The following SORCS1 variants were observed in gnomAD, a reference collection of about 807,000 sequenced individuals.
SORCS1 encodes VPS10 domain-containing receptor SorCS1.
A neutral mutation model predicts 146.1 loss-of-function variants in SORCS1; 60 were observed. The observed-to-expected ratio is 0.41, with a 90% confidence interval of 0.33 to 0.51. The LOEUF is 0.51. Among genes scored for constraint, SORCS1 ranks in the 20% least tolerant of loss-of-function variants. The pLI is 0.21. For synonymous variants in SORCS1, 637 were observed against 584.0 expected (o/e 1.09, Z -1.31); for missense variants, 1,352 against 1,487.6 (o/e 0.91, Z 1.50).
intron 18 of SORCS1, among the ~76,000 whole-genome samples, chr10:106,646,974 CATAT>C (rs978837741): frequency 9.0e-5 from 12 of 133,384 alleles, no homozygotes; most frequent in Admixed American, 8.2e-5. Flanking sequence ...GATATACATA[CATAT>C]ATATGTATAT....
intron 1 of SORCS1, among the ~76,000 whole-genome samples, chr10:107,023,270 G>T (rs1958233208): frequency 6.6e-6 from 1 of 152,244 alleles, no homozygotes; most frequent in Middle Eastern, 3.4e-3. Context: ...GCCACACAAG[G>T]ATTTCCAGGA....
chr10:106,971,808 T>TGGG (rs1178568464), intron 1 of SORCS1, among the ~76,000 whole-genome samples: 1 of 152,204 alleles, frequency 6.6e-6, no homozygotes, highest in Non-Finnish European at 1.5e-5. Flanking sequence ...AAGACAGCCC[T>TGGG]GGGTCAGTGC....
chr10:106,760,859 C>A (rs1859054086), intron 5 of SORCS1, among the ~76,000 whole-genome samples: 1 of 152,122 alleles, frequency 6.6e-6, no homozygotes, highest in African/African-American at 2.4e-5. Flanking sequence ...GTAATCCCAG[C>A]ACTTTGGGAA....
At chr10:106,618,301 G>T in intron 20 of SORCS1, 29 bp from the exon 21 acceptor site, 3 of 1,599,300 alleles carry the variant, frequency 1.9e-6, no homozygotes, top group African/African-American at 1.3e-5. Context: ...CAGAGTGAAG[G>T]GAAAGCTCTT....
In SORCS1 at chr10:106,575,313, T is replaced by C. The variant is rs796669530; in HGVS notation, c.*2107A>G. On this transcript the variant is annotated 3_prime_UTR_variant, in exon 26 of 26. Coordinates refer to ENST00000263054, the MANE Select transcript of SORCS1 (RefSeq NM_052918.5). ...CATAAACATCTCTGCCTGACAAACT[T>C]CTGACAGCAGCTTTGCTATTCTTTC... is the stretch of plus-strand genomic sequence containing the variant. 1 of 152,266 alleles carries C rather than the reference T, an allele frequency of 6.6e-6. No homozygotes were observed. Among genetic ancestry groups the C allele is most frequent in the Non-Finnish European group, 1.5e-5 (1 of 68,056 alleles). The allele number at this position is 152,266 out of a possible 1,614,324, so 9.4% of individuals were successfully genotyped here.
intron 1 of SORCS1, among the ~76,000 whole-genome samples, chr10:107,018,861 A>T (rs1165388242): frequency 6.6e-6 from 1 of 152,206 alleles, no homozygotes; most frequent in Non-Finnish European, 1.5e-5. Flanking sequence ...CACTTTAATA[A>T]GAAAGAACGT....
At chr10:106,758,730 A>C (rs1272781520) in intron 5 of SORCS1, among the ~76,000 whole-genome samples, 2 of 152,216 alleles carry the variant, frequency 1.3e-5, no homozygotes, top group Non-Finnish European at 2.9e-5. Flanking sequence ...ATACGATACA[A>C]AATTAGTAAG....
chr10:106,667,453 T>A, intron 17 of SORCS1: 1 of 484,116 alleles, frequency 2.1e-6, no homozygotes, highest in Non-Finnish European at 3.7e-6. Context: ...ATCATCATTG[T>A]GATCTTCAAT....
intron 9 of SORCS1, among the ~76,000 whole-genome samples, chr10:106,688,837 G>A (rs1853077313): frequency 6.6e-6 from 1 of 152,160 alleles, no homozygotes; most frequent in Non-Finnish European, 1.5e-5. Flanking sequence ...AGGGCACACA[G>A]TAAGTATCAG....
At chr10:106,989,164 G>A (rs1203658194) in intron 1 of SORCS1, among the ~76,000 whole-genome samples, 1 of 149,710 alleles carries the variant, frequency 6.7e-6, no homozygotes, top group South Asian at 2.1e-4. Flanking sequence ...CAGCTACTCA[G>A]GAGGCTGAGG....
chr10:106,774,961 G>A (rs914690890), intron 4 of SORCS1, among the ~76,000 whole-genome samples: 5 of 152,142 alleles, frequency 3.3e-5, no homozygotes, highest in African/African-American at 1.2e-4. Context: ...GGAAACCAAC[G>A]CTAAATACTA....
At chr10:107,063,981 C>T in intron 1 of SORCS1, among the ~76,000 whole-genome samples, 1 of 152,154 alleles carries the variant, frequency 6.6e-6, no homozygotes, top group East Asian at 1.9e-4. Flanking sequence ...TAGAATTCAA[C>T]ACTTTCTAGG....
chr10:107,069,663 AC>A (rs1962249879), intron 1 of SORCS1, among the ~76,000 whole-genome samples: 1 of 152,094 alleles, frequency 6.6e-6, no homozygotes, highest in Non-Finnish European at 1.5e-5. Flanking sequence ...GGCGTGAGCC[AC>A]CTCGCCTGGC....
intron 1 of SORCS1, among the ~76,000 whole-genome samples, chr10:107,101,749 A>ACGTG (rs142620712): frequency 6.8e-6 from 1 of 147,246 alleles, no homozygotes; most frequent in Non-Finnish European, 1.5e-5. Flanking sequence ...TGGGCTAATT[A>ACGTG]TGTGTGTGTG....
At chr10:106,643,555 C>G (rs1027460803) in intron 18 of SORCS1, among the ~76,000 whole-genome samples, 2 of 152,264 alleles carry the variant, frequency 1.3e-5, no homozygotes, top group African/African-American at 4.8e-5. Flanking sequence ...TGGTGCTCTG[C>G]ACCAGGAGAA....
intron 2 of SORCS1, among the ~76,000 whole-genome samples, chr10:106,881,406 A>G (rs2137725674): frequency 6.6e-6 from 1 of 152,350 alleles, no homozygotes; most frequent in Middle Eastern, 3.4e-3. Flanking sequence ...GCTCTCTGTT[A>G]GAAACAAAAG....
chr10:106,914,487 T>C (rs545434089), intron 2 of SORCS1, among the ~76,000 whole-genome samples: 193 of 152,294 alleles, frequency 1.3e-3, no homozygotes, highest in Middle Eastern at 3.4e-3. Flanking sequence ...TAATACTGTA[T>C]GTCACTCCCC....
chr10:106,881,997 G>A (rs1262003990), intron 2 of SORCS1, among the ~76,000 whole-genome samples: 1 of 152,182 alleles, frequency 6.6e-6, no homozygotes, highest in Non-Finnish European at 1.5e-5. Context: ...TCTTTCAGAT[G>A]CTCCACGGAG....
chr10:106,719,039 C>G (rs1199471010), intron 6 of SORCS1, among the ~76,000 whole-genome samples: 1 of 152,200 alleles, frequency 6.6e-6, no homozygotes, highest in Non-Finnish European at 1.5e-5. Context: ...CAAGTCCCCA[C>G]CCAATCCAGA....
Sources: gnomAD v4.1 joint callset for allele counts (sites outside exome capture counted in the v4.1 genomes callset) on GRCh38, gnomAD v4.1.1 for gene constraint, MANE v1.5 for transcripts, NCBI Gene and HGNC (gene_info 2026-07-23, HGNC 2026-07-21) for gene names.